KCNMB2: variants seen among roughly 807,000 people sequenced by gnomAD.
The protein encoded by KCNMB2 is potassium calcium-activated channel subfamily M regulatory beta subunit 2.
In KCNMB2, 9 loss-of-function variants were observed where a neutral mutation model predicts 24.5. That is an observed-to-expected ratio of 0.37 (90% CI 0.22 to 0.64). KCNMB2 has a LOEUF of 0.64. Ranked by LOEUF, KCNMB2 falls within the 30% of genes least tolerant of loss-of-function variation. The probability of loss-of-function intolerance (pLI) is 0.63; values close to 1 mark genes in which losing one functional copy is unlikely to be tolerated. For synonymous variants in KCNMB2, 109 were observed against 104.4 expected (o/e 1.04, Z -0.27); for missense variants, 226 against 284.3 (o/e 0.79, Z 1.47).
chr3:178,711,652 T>G (rs553374398), intron 1 of KCNMB2, among the ~76,000 whole-genome samples: 2 of 152,120 alleles, frequency 1.3e-5, no homozygotes, highest in Non-Finnish European at 2.9e-5. Context: ...TTCAGAACAG[T>G]CCAAAAGCCC....
At chr3:178,636,894 C>T (rs1719545902) in intron 1 of KCNMB2, among the ~76,000 whole-genome samples, 1 of 152,018 alleles carries the variant, frequency 6.6e-6, no homozygotes, top group Admixed American at 6.6e-5. Context: ...GTGTTGTTCC[C>T]CCATGTGTCC....
rs111500373 is a variant in KCNMB2 at position 178,692,200 on chromosome 3, T to G, written c.-67-115143T>G. On this transcript the variant is annotated intron_variant, in intron 1 of 4. Coordinates refer to ENST00000452583, the MANE Select transcript of KCNMB2 (RefSeq NM_181361.3). ...TTCTCCCATTCTGTAGGTTGTCTGTTTACTCTGATGATAGTTTCTTTTGCT... is the reference window on the plus strand; with the variant it reads ...TTCTCCCATTCTGTAGGTTGTCTGTGTACTCTGATGATAGTTTCTTTTGCT... Among the ~76,000 whole-genome samples, 252 of 152,360 alleles carry G rather than the reference T, an allele frequency of 1.7e-3. 1 individual carries two copies. The highest frequency in any genetic ancestry group is 5.8e-3 in the African/African-American group (241 of 41,584).
intron 1 of KCNMB2, among the ~76,000 whole-genome samples, chr3:178,777,341 G>A (rs1386673516): frequency 1.3e-5 from 2 of 152,130 alleles, no homozygotes; most frequent in African/African-American, 4.8e-5. Context: ...GGCTGAGGCA[G>A]GAGAATTCCT....
chr3:178,757,848 TATCCAAGAGGATAC>T (rs1279108538), intron 1 of KCNMB2, among the ~76,000 whole-genome samples: 106 of 75,312 alleles, frequency 1.4e-3, no homozygotes, highest in Non-Finnish European at 2.2e-3. Context: ...AGGATATATA[TATCCAAGAGGATAC>T]ATATATATAT....
chr3:178,773,755 A>G (rs899439865), intron 1 of KCNMB2, among the ~76,000 whole-genome samples: 2 of 152,120 alleles, frequency 1.3e-5, no homozygotes, highest in African/African-American at 4.8e-5. Context: ...GGAGCTCTCT[A>G]TCCTGCCAGT....
At chr3:178,631,703 T>C (rs540728939) in intron 1 of KCNMB2, among the ~76,000 whole-genome samples, 16 of 152,292 alleles carry the variant, frequency 1.1e-4, no homozygotes, top group African/African-American at 3.9e-4. Context: ...TTAAAAGGTG[T>C]TGGGAGAAAA....
At chr3:178,612,704 T>C (rs1018245592) in intron 1 of KCNMB2, among the ~76,000 whole-genome samples, 2 of 152,186 alleles carry the variant, frequency 1.3e-5, no homozygotes, top group African/African-American at 4.8e-5. Flanking sequence ...GTCTATGTCT[T>C]TTGATTAGAG....
At chr3:178,582,439 C>A (rs550555108) in intron 1 of KCNMB2, among the ~76,000 whole-genome samples, 1 of 152,164 alleles carries the variant, frequency 6.6e-6, no homozygotes, top group Non-Finnish European at 1.5e-5. Context: ...CAGCAAACCA[C>A]CATGGCACAC....
At chr3:178,798,996 CT>C (rs1013573642) in intron 1 of KCNMB2, among the ~76,000 whole-genome samples, 2 of 148,232 alleles carry the variant, frequency 1.3e-5, no homozygotes, top group Non-Finnish European at 3.0e-5. Flanking sequence ...AAAAAAAAAA[CT>C]CTCAACAAAC....
intron 1 of KCNMB2, among the ~76,000 whole-genome samples, chr3:178,798,609 C>A (rs1713648506): frequency 6.6e-6 from 1 of 152,074 alleles, no homozygotes; most frequent in Non-Finnish European, 1.5e-5. Context: ...TTATCCTGAG[C>A]AAACTAATGC....
intron 1 of KCNMB2, among the ~76,000 whole-genome samples, chr3:178,631,973 G>T (rs142159640): frequency 6.6e-6 from 1 of 152,120 alleles, no homozygotes; most frequent in Non-Finnish European, 1.5e-5. Flanking sequence ...TAGAAATATG[G>T]GTTATTTAAT....
At chr3:178,711,634 A>G (rs1453070996) in intron 1 of KCNMB2, among the ~76,000 whole-genome samples, 2 of 142,690 alleles carry the variant, frequency 1.4e-5, no homozygotes, top group Non-Finnish European at 3.1e-5. Flanking sequence ...CCCAGAGAAA[A>G]CAGAGTCTTC....
chr3:178,729,494 T>C (rs1233679641), intron 1 of KCNMB2: 2 of 152,188 alleles, frequency 1.3e-5, no homozygotes, highest in East Asian at 1.9e-4. Context: ...CAATCCTTTA[T>C]CACTTTGAGA....
At chr3:178,811,772 C>G (rs1362861945) in intron 2 of KCNMB2, among the ~76,000 whole-genome samples, 2 of 152,120 alleles carry the variant, frequency 1.3e-5, no homozygotes, top group African/African-American at 4.8e-5. Flanking sequence ...TTAATTTTAC[C>G]AAGTAATGCC....
chr3:178,583,250 A>G (rs1334441713), intron 1 of KCNMB2, among the ~76,000 whole-genome samples: 1 of 152,186 alleles, frequency 6.6e-6, no homozygotes, highest in African/African-American at 2.4e-5. Context: ...TACTTATAGG[A>G]TATTTGGCTG....
chr3:178,780,453 T>A (rs770282951), intron 1 of KCNMB2, among the ~76,000 whole-genome samples: 11 of 152,216 alleles, frequency 7.2e-5, no homozygotes, highest in African/African-American at 1.4e-4. Context: ...TCCTCATGAA[T>A]ATGATGACAG....
Position 178,759,316 on chromosome 3 carries a change from GATATATAT to G in KCNMB2, c.-67-48016_-67-48009del, listed in dbSNP as rs775862765. On this transcript the variant is annotated intron_variant, in intron 1 of 4. Coordinates refer to ENST00000452583, the MANE Select transcript of KCNMB2 (RefSeq NM_181361.3). ...GGAGACATATATATATCTCCAAGAGGATATATATATATATATATCTCCAAGAGGATATA... is the reference window on the plus strand; with the variant it reads ...GGAGACATATATATATCTCCAAGAGGATATATATATCTCCAAGAGGATATA... Among the ~76,000 whole-genome samples the G allele has an allele frequency of 1.2e-3, 72 of 57,878 alleles. 8 individuals are homozygous for G. The highest frequency in any genetic ancestry group is 4.6e-3 in the African/African-American group (69 of 15,048). The allele number at this position is 57,878 out of a possible 152,430, so 38.0% of individuals were successfully genotyped here. A position where few individuals can be genotyped will look rare whatever the true frequency, so the allele number is the denominator to read the frequency against.
At chr3:178,781,583 C>T (rs1260549743) in intron 1 of KCNMB2, among the ~76,000 whole-genome samples, 1 of 150,962 alleles carries the variant, frequency 6.6e-6, no homozygotes, top group East Asian at 1.9e-4. Context: ...AAGACTCTGT[C>T]TAAAAATTTA....
At chr3:178,678,055 C>T (rs6443560) in intron 1 of KCNMB2, among the ~76,000 whole-genome samples, 108,145 of 152,046 alleles carry the variant, frequency 0.71, 38,868 homozygotes, top group African/African-American at 0.84. Flanking sequence ...TAGTTCATCA[C>T]CAGTGGTCTC....
Sources: gnomAD v4.1 joint callset for allele counts (sites outside exome capture counted in the v4.1 genomes callset) on GRCh38, gnomAD v4.1.1 for gene constraint, MANE v1.5 for transcripts, NCBI Gene and HGNC (gene_info 2026-07-23, HGNC 2026-07-21) for gene names.